MXI1: variants seen among roughly 807,000 people sequenced by gnomAD.
MXI1 encodes MAX interactor 1, dimerization protein.
A neutral mutation model predicts 36.9 loss-of-function variants in MXI1; 18 were observed. The observed-to-expected ratio is 0.49, with a 90% CI of 0.34 to 0.72. The LOEUF (loss-of-function observed/expected upper bound fraction) is 0.72. MXI1 is among the 30% of genes least tolerant of loss of function. The probability of loss-of-function intolerance (pLI) is 0.01; values close to 1 mark genes in which losing one functional copy is unlikely to be tolerated. For synonymous variants in MXI1, 160 were observed against 146.7 expected (o/e 1.09, Z -0.65); for missense variants, 304 against 379.1 (o/e 0.80, Z 1.64).
intron 1 of MXI1, among the ~76,000 whole-genome samples, chr10:110,219,222 C>T (rs550930622): frequency 6.6e-6 from 1 of 152,278 alleles, no homozygotes; most frequent in South Asian, 2.1e-4. Flanking sequence ...ATTGCTTGAA[C>T]CTGAGAGGCG....
chr10:110,274,116 G>A (rs1856949636), intron 3 of MXI1, among the ~76,000 whole-genome samples: 1 of 152,196 alleles, frequency 6.6e-6, no homozygotes. Flanking sequence ...TGGTACATCA[G>A]TTTGGCAGTA....
chr10:110,227,444 C>T, intron 1 of MXI1: 5 of 987,062 alleles, frequency 5.1e-6, no homozygotes, highest in Non-Finnish European at 6.0e-6. Flanking sequence ...GTGCGGCGAG[C>T]GGGAAGGAGA....
chr10:110,277,712 C>T (rs930499077), intron 3 of MXI1, among the ~76,000 whole-genome samples: 1 of 152,152 alleles, frequency 6.6e-6, no homozygotes, highest in Non-Finnish European at 1.5e-5. Context: ...GTACTGAACT[C>T]AATAAAGAAA....
intron 2 of MXI1, among the ~76,000 whole-genome samples, chr10:110,232,550 C>T (rs1242863202): frequency 6.6e-6 from 1 of 152,114 alleles, no homozygotes; most frequent in African/African-American, 2.4e-5. Flanking sequence ...TTCTTAAATT[C>T]GTGTCCTATT....
intron 1 of MXI1, among the ~76,000 whole-genome samples, chr10:110,214,843 GTTTT>G (rs5787838): frequency 7.4e-6 from 1 of 135,224 alleles, no homozygotes; most frequent in African/African-American, 2.7e-5. Flanking sequence ...TGGCTTTTGA[GTTTT>G]TTTTTTTTTT....
Position 110,276,416 on chromosome 10 carries a change from A to G in MXI1, c.438-2764A>G, listed in dbSNP as rs2068052. On this transcript the variant is annotated intron_variant, in intron 3 of 5. Transcript: ENST00000332674. ...TTACCTAGCAAATCCTCACTTTTTC[A>G]TAGACAAATTCAATATTCTTTAAGT... Among the ~76,000 whole-genome samples, 7 of 152,186 alleles carry G rather than the reference A, an allele frequency of 4.6e-5. No homozygotes were observed. The South Asian group carries it at 1.2e-3, about 27-fold the overall frequency.
intron 1 of MXI1, chr10:110,225,872 C>A (rs111629233): frequency 2.6e-6 from 1 of 391,414 alleles, no homozygotes; most frequent in Non-Finnish European, 3.5e-6. Flanking sequence ...ACGGCGTGTG[C>A]ACTACGATTC....
intron 3 of MXI1, among the ~76,000 whole-genome samples, chr10:110,247,390 A>T (rs2134398655): frequency 6.6e-6 from 1 of 152,194 alleles, no homozygotes; most frequent in Non-Finnish European, 1.5e-5. Context: ...CTTTAGTTTA[A>T]TTACATCCCA....
Position 110,229,349 on chromosome 10 carries a change from A to G in MXI1, c.407+1028A>G, listed in dbSNP as rs185136709. ...GACAGAGCAATCCCTGGGTAACCAA[A>G]TTTCCCTGAAGGCTTTGGGGAGCTT... On this transcript the variant is annotated intron_variant, in intron 2 of 5. Transcript: ENST00000332674. 3.6e-3 allele frequency among the ~76,000 whole-genome samples: 546 copies of G among 152,284 alleles called. 4 individuals are homozygous for G. Among genetic ancestry groups the G allele is most frequent in the African/African-American group, 0.012 (497 of 41,550 alleles).
intron 3 of MXI1, among the ~76,000 whole-genome samples, chr10:110,277,137 C>T (rs1480156495): frequency 1.3e-5 from 2 of 152,136 alleles, no homozygotes; most frequent in Admixed American, 1.3e-4. Context: ...CCACCATGCC[C>T]AGCCCATTTT....
At chr10:110,284,778 T>C in intron 5 of MXI1, 46 bp from the exon 6 acceptor site, 1 of 1,544,140 alleles carries the variant, frequency 6.5e-7, no homozygotes, top group Non-Finnish European at 8.7e-7. Context: ...GAAGGTGCGC[T>C]ATACTCGATA....
At chr10:110,210,266 C>G (rs917866733) in intron 1 of MXI1, 4 of 985,112 alleles carry the variant, frequency 4.1e-6, no homozygotes, top group African/African-American at 3.5e-5. Flanking sequence ...AATCTGCCAG[C>G]CCCCGAGAGG....
intron 3 of MXI1, among the ~76,000 whole-genome samples, chr10:110,269,042 C>G (rs1289347377): frequency 2.0e-5 from 3 of 152,158 alleles, no homozygotes; most frequent in African/African-American, 7.2e-5. Flanking sequence ...AAAAAACAAA[C>G]TGCATTTTGA....
chr10:110,233,430 C>T (rs1237546127), intron 2 of MXI1, among the ~76,000 whole-genome samples: 1 of 151,988 alleles, frequency 6.6e-6, no homozygotes, highest in Non-Finnish European at 1.5e-5. Context: ...GATGCTTTAT[C>T]TTCTCTTTAT....
intron 2 of MXI1, among the ~76,000 whole-genome samples, chr10:110,228,761 G>C (rs781706655): frequency 2.0e-5 from 3 of 152,160 alleles, no homozygotes; most frequent in African/African-American, 7.2e-5. Flanking sequence ...GGTAGTGAGC[G>C]GATGTGGTTA....
intron 1 of MXI1, among the ~76,000 whole-genome samples, chr10:110,216,665 G>GTTTTTTGTTTTGTTTTGTTTTTT (rs1554853670): frequency 7.6e-5 from 6 of 79,060 alleles, no homozygotes; most frequent in Non-Finnish European, 1.2e-4. Context: ...TGTGTTTAAT[G>GTTTTTTGTTTTGTTTTGTTTTTT]TTTTTTTTTT....
chr10:110,269,770 T>C (rs763428806), intron 3 of MXI1, among the ~76,000 whole-genome samples: 11 of 152,200 alleles, frequency 7.2e-5, no homozygotes, highest in Non-Finnish European at 1.6e-4. Context: ...GACATCACTG[T>C]GTTTCAAATA....
At chr10:110,250,913 A>G (rs72830457) in intron 3 of MXI1, among the ~76,000 whole-genome samples, 1 of 149,466 alleles carries the variant, frequency 6.7e-6, no homozygotes, top group African/African-American at 2.5e-5. Context: ...AGGCCATTTA[A>G]CCTTAAATAG....
intron 1 of MXI1, among the ~76,000 whole-genome samples, chr10:110,217,324 T>C (rs1854677514): frequency 6.6e-6 from 1 of 152,212 alleles, no homozygotes; most frequent in Non-Finnish European, 1.5e-5. Context: ...TTACCTACTA[T>C]TTGAAATTTC....
Sources: allele counts gnomAD v4.1 joint callset (sites outside exome capture counted in the v4.1 genomes callset), GRCh38; gene constraint gnomAD v4.1.1; transcripts MANE v1.5; gene names NCBI Gene and HGNC (gene_info 2026-07-23, HGNC 2026-07-21).